SYNPR: variants seen among roughly 807,000 people sequenced by gnomAD.
SYNPR encodes the protein synaptoporin.
A neutral mutation model predicts 32.9 loss-of-function variants in SYNPR; 23 were observed. The ratio of observed to expected loss-of-function variants is 0.70; its 90% CI spans 0.50 to 0.99. SYNPR has a LOEUF of 0.99. SYNPR is among the 50% of genes least tolerant of loss of function. SYNPR has a pLI of 0.00. For missense variants in SYNPR, 318 were observed against 349.3 expected, an observed-to-expected ratio of 0.91 and a Z score of 0.71; for synonymous variants, 146 against 135.9, an observed-to-expected ratio of 1.07 and a Z score of -0.52.
chr3:63,237,542 C>T (rs548525274), intron 1 of SYNPR, among the ~76,000 whole-genome samples: 4 of 151,964 alleles, frequency 2.6e-5, no homozygotes, highest in South Asian at 2.1e-4. Flanking sequence ...TCGCGGTGGG[C>T]GTTGGCATCG....
intron 2 of SYNPR, among the ~76,000 whole-genome samples, chr3:63,357,785 T>C (rs181071640): frequency 6.6e-6 from 1 of 152,312 alleles, no homozygotes; most frequent in African/African-American, 2.4e-5. Flanking sequence ...GGGATCTGCA[T>C]TTTGATTAGC....
chr3:63,443,568 C>A, intron 2 of SYNPR: 3 of 1,336,186 alleles, frequency 2.2e-6, no homozygotes, highest in Non-Finnish European at 3.1e-6. Context: ...CTTTTCTTTC[C>A]AAGTATCAGT....
At chr3:63,377,449 G>C (rs1049715324) in intron 2 of SYNPR, among the ~76,000 whole-genome samples, 6 of 152,014 alleles carry the variant, frequency 3.9e-5, no homozygotes, top group Non-Finnish European at 1.5e-5. Flanking sequence ...GCCTGGAAAG[G>C]TACAGTAAAA....
At position 63,537,535 on chromosome 3, in the gene SYNPR, T is replaced by C. The variant is rs188492767; in HGVS notation, c.210-19008T>C. Among the ~76,000 whole-genome samples the C allele has an allele frequency of 7.8e-4, 118 of 152,254 alleles. 1 individual carries two copies. The highest frequency in any genetic ancestry group is 2.7e-3 in the African/African-American group (112 of 41,574). On this transcript the variant is annotated intron_variant, in intron 3 of 5. Transcript: ENST00000478300. ...GTATAAGCTTCTTGAAGCATTTGTCTTTGTGTTTTGAGGTCTGGCACAGTG... is the reference window on the plus strand; with the variant it reads ...GTATAAGCTTCTTGAAGCATTTGTCCTTGTGTTTTGAGGTCTGGCACAGTG...
chr3:63,406,619 A>AAGGCAGGT (rs964404803), intron 2 of SYNPR, among the ~76,000 whole-genome samples: 2 of 152,168 alleles, frequency 1.3e-5, no homozygotes, highest in African/African-American at 4.8e-5. Flanking sequence ...AGAGACACAC[A>AAGGCAGGT]AGGCAGGTAG....
At chr3:63,432,147 T>G (rs1700007980) in intron 2 of SYNPR, among the ~76,000 whole-genome samples, 1 of 152,196 alleles carries the variant, frequency 6.6e-6, no homozygotes, top group Admixed American at 6.5e-5. Flanking sequence ...AGCACCCCAG[T>G]GAGGTAGCCC....
intron 2 of SYNPR, among the ~76,000 whole-genome samples, chr3:63,389,284 A>G (rs1327350996): frequency 1.3e-5 from 2 of 152,194 alleles, no homozygotes; most frequent in Admixed American, 1.3e-4. Context: ...AAAAAATACC[A>G]AAACCAACAC....
chr3:63,237,654 C>T lies in SYNPR; in HGVS notation n.66+9274C>T, dbSNP rs561030425. Among the ~76,000 whole-genome samples the T allele has an allele frequency of 4.3e-4, 66 of 152,126 alleles. 2 individuals carry two copies. In the South Asian group the frequency reaches 0.014, roughly 31 times the overall value. The stretch of plus-strand genomic sequence containing the variant: ...ACATTTTGTCTATTATGTTAGGGGA[C>T]TCAAGGTCCTAGTTAAATCTTCATT... On this transcript the variant is annotated intron_variant and non_coding_transcript_variant, in intron 1 of 4. Transcript: ENST00000478456.
chr3:63,384,982 A>G (rs942010346), intron 2 of SYNPR, among the ~76,000 whole-genome samples: 1 of 152,052 alleles, frequency 6.6e-6, no homozygotes, highest in African/African-American at 2.4e-5. Flanking sequence ...AGGTGGAAAA[A>G]CCATGAGATT....
chr3:63,235,351 C>A lies in SYNPR; in HGVS notation n.66+6971C>A, dbSNP rs552154583. 2.0e-5 allele frequency among the ~76,000 whole-genome samples: 3 copies of A among 152,186 alleles called. No individual in the cohort carries two copies. The South Asian group carries it at 6.2e-4, about 32-fold the overall frequency. On this transcript the variant is annotated intron_variant and non_coding_transcript_variant, in intron 1 of 4. Coordinates refer to the SYNPR transcript ENST00000478456. ...CGGAACAATTAGAGAATTTACTGTC[C>A]ACCTATTTTAAACCTTGAGCTGAAG...
chr3:63,355,998 C>A (rs552560378), intron 2 of SYNPR, among the ~76,000 whole-genome samples: 55 of 152,244 alleles, frequency 3.6e-4, no homozygotes, highest in Middle Eastern at 6.8e-3. Flanking sequence ...CTTCTCTGCC[C>A]CTTTTCAGTC....
chr3:63,477,032 T>C (rs1256366125), intron 2 of SYNPR, among the ~76,000 whole-genome samples: 1 of 152,178 alleles, frequency 6.6e-6, no homozygotes, highest in African/African-American at 2.4e-5. Flanking sequence ...TGAAGTGATT[T>C]GCCCGGTGTC....
chr3:63,437,243 T>G (rs1206202724), intron 2 of SYNPR, among the ~76,000 whole-genome samples: 1 of 152,188 alleles, frequency 6.6e-6, no homozygotes, highest in African/African-American at 2.4e-5. Context: ...TAGTATTATC[T>G]CTATCAAACA....
At chr3:63,446,893 T>C (rs1284836550) in intron 2 of SYNPR, among the ~76,000 whole-genome samples, 1 of 152,160 alleles carries the variant, frequency 6.6e-6, no homozygotes, top group African/African-American at 2.4e-5. Flanking sequence ...TACTCTTGGT[T>C]AGGCACCCAG....
intron 4 of SYNPR, among the ~76,000 whole-genome samples, chr3:63,591,921 TA>T (rs569646701): frequency 0.041 from 5,613 of 135,710 alleles, 147 homozygotes; most frequent in African/African-American, 0.078. Context: ...TAAAGTATAA[TA>T]AAAAAAAAAA....
intron 3 of SYNPR, among the ~76,000 whole-genome samples, chr3:63,508,166 C>A (rs528585857): frequency 1.3e-5 from 2 of 152,186 alleles, no homozygotes; most frequent in East Asian, 3.9e-4. Flanking sequence ...CCACTATCAA[C>A]TCTATACATC....
chr3:63,342,128 C>T (rs2087377947), intron 2 of SYNPR, among the ~76,000 whole-genome samples: 1 of 152,172 alleles, frequency 6.6e-6, no homozygotes, highest in African/African-American at 2.4e-5. Context: ...TGTCTTCCTC[C>T]ATTGAATTGT....
At chr3:63,538,763 A>G (rs992366935) in intron 3 of SYNPR, among the ~76,000 whole-genome samples, 3 of 152,116 alleles carry the variant, frequency 2.0e-5, no homozygotes, top group African/African-American at 7.2e-5. Context: ...CCATAAGCAT[A>G]AGAGCAAGAA....
chr3:63,556,565 G>A lies in SYNPR; in HGVS notation c.232G>A (p.Val78Met). 1 of 1,613,166 alleles carries A rather than the reference G, an allele frequency of 6.2e-7. No individual in the cohort carries two copies. ...TAGGTTGCACCAGGTGACGTTTGAG[G>A]TGCCCACCTGCGAGGGAAAGGAACG... ...PFRLHQVTFE[V>M]PTCEGKERQK... The change falls in exon 4 of 6, where the codon GTG becomes ATG. Residue 78 changes from valine to methionine, a missense_variant. By Grantham distance (21) the Val-to-Met change is conservative. Coordinates refer to ENST00000478300, the MANE Select transcript of SYNPR (RefSeq NM_001130003.2).
Sources: allele counts gnomAD v4.1 joint callset (sites outside exome capture counted in the v4.1 genomes callset), GRCh38; gene constraint gnomAD v4.1.1; transcripts MANE v1.5; gene names NCBI Gene and HGNC (gene_info 2026-07-23, HGNC 2026-07-21).